Variants in ANK3 observed in about 807,000 individuals in gnomAD.
ANK3 encodes ankyrin-3.
A neutral mutation model predicts 370.9 loss-of-function variants in ANK3; 57 were observed. The ratio of observed to expected loss-of-function variants is 0.15; its 90% CI spans 0.12 to 0.19. ANK3 has a LOEUF of 0.19. Among genes scored for constraint, ANK3 ranks in the 10% least tolerant of loss-of-function variants. The pLI, the probability that ANK3 is intolerant of heterozygous loss-of-function variation, is 1.00. For missense variants in ANK3, 4,439 were observed against 5,302.1 expected, an observed-to-expected ratio of 0.84 and a Z score of 5.06; for synonymous variants, 1,929 against 1,946.3, an observed-to-expected ratio of 0.99 and a Z score of 0.23.
intron 2 of ANK3, among the ~76,000 whole-genome samples, chr10:60,577,086 G>A (rs1443998414): frequency 6.6e-6 from 1 of 152,210 alleles, no homozygotes; most frequent in Non-Finnish European, 1.5e-5. Flanking sequence ...TCCCTGTGGG[G>A]TTTTGGTATT....
At chr10:60,488,413 A>G (rs575646481) in intron 2 of ANK3, among the ~76,000 whole-genome samples, 25 of 152,338 alleles carry the variant, frequency 1.6e-4, no homozygotes, top group African/African-American at 5.8e-4. Context: ...CATTTTATTG[A>G]GATGTTATTC....
rs2083242351 is a variant in ANK3 at position 60,073,821 on chromosome 10, G to A, written c.7060C>T (p.Pro2354Ser). Residue 2354 changes from proline to serine, a missense_variant, in exon 37 of 44, where the codon CCA becomes TCA. Around this residue, in one of 13 missense-constraint regions of ANK3, gnomAD observed 1,601 missense variants for 1,731.7 expected, o/e 0.92. Coordinates refer to ENST00000280772, the MANE Select transcript of ANK3 (RefSeq NM_020987.5). The stretch of plus-strand genomic sequence containing the variant: ...TGATATACATACATTTCTTTTTCTG[G>A]ATGCTTTTTGGTTTCTCTAATAATG... ...EVIIRETKKH[P>S]EKEMYVYQKD... 3 of 1,613,376 alleles carry A rather than the reference G, an allele frequency of 1.9e-6. No individual in the cohort carries two copies. The highest frequency in any genetic ancestry group is 2.5e-6 in the Non-Finnish European group (3 of 1,179,956).
At chr10:60,546,815 C>T (rs1392534571) in intron 2 of ANK3, among the ~76,000 whole-genome samples, 2 of 152,096 alleles carry the variant, frequency 1.3e-5, no homozygotes, top group South Asian at 2.1e-4. Context: ...TTTATAACAT[C>T]AGGCCACTCT....
Position 60,088,132 on chromosome 10 carries a change from T to C in ANK3, c.3540+15A>G. On this transcript the variant is annotated intron_variant, in intron 29 of 43. Coordinates refer to ENST00000280772, the MANE Select transcript of ANK3 (RefSeq NM_020987.5). Reference sequence around the variant, plus strand: ...TCTGCGCATACTGAGGGAAACAACTTTTTGTGAACATTACCTGGAGGCCCA... The same window carrying C: ...TCTGCGCATACTGAGGGAAACAACTCTTTGTGAACATTACCTGGAGGCCCA... 1 of 1,613,204 alleles carries C rather than the reference T, an allele frequency of 6.2e-7. No homozygotes were observed. Among genetic ancestry groups the C allele is most frequent in the Non-Finnish European group, 8.5e-7 (1 of 1,179,276 alleles).
chr10:60,539,556 C>T (rs1013877527), intron 2 of ANK3, among the ~76,000 whole-genome samples: 6 of 151,878 alleles, frequency 4.0e-5, no homozygotes, highest in South Asian at 2.1e-4. Context: ...GTGGTTTCTA[C>T]GAGATTAAAT....
intron 28 of ANK3, among the ~76,000 whole-genome samples, chr10:60,092,427 A>C (rs976994645): frequency 1.3e-5 from 2 of 152,206 alleles, no homozygotes; most frequent in Non-Finnish European, 2.9e-5. Context: ...GGATCAATAC[A>C]TCTTTTTCAT....
intron 33 of ANK3, 50 bp from the exon 34 acceptor site, chr10:60,082,787 A>C: frequency 6.3e-7 from 1 of 1,584,706 alleles, no homozygotes; most frequent in Non-Finnish European, 8.6e-7. Context: ...TTATCTGAGG[A>C]TTTTTAACTG....
At chr10:60,645,109 A>G (rs181638242) in intron 1 of ANK3, among the ~76,000 whole-genome samples, 1 of 152,222 alleles carries the variant, frequency 6.6e-6, no homozygotes, top group East Asian at 1.9e-4. Flanking sequence ...GATGTATATA[A>G]TTGTCATATA....
At chr10:60,458,920 TA>T (rs1222764922) in intron 2 of ANK3, among the ~76,000 whole-genome samples, 1 of 152,044 alleles carries the variant, frequency 6.6e-6, no homozygotes, top group African/African-American at 2.4e-5. Context: ...GCATCACCTT[TA>T]AAAAAAGAGA....
At chr10:60,088,101 A>C in intron 29 of ANK3, 46 bp downstream of exon 29, 1 of 1,505,042 alleles carries the variant, frequency 6.6e-7, no homozygotes, top group Non-Finnish European at 9.2e-7. Context: ...ATGCACTCAC[A>C]TGCTCTCTGC....
At chr10:60,339,524 T>C (rs72824103) in intron 1 of ANK3, among the ~76,000 whole-genome samples, 1,859 of 152,336 alleles carry the variant, frequency 0.012, 14 homozygotes, top group African/African-American at 0.026. Flanking sequence ...CAGAAAAATA[T>C]ATACAAAGCT....
chr10:60,076,913 C>T (rs1442058835), intron 36 of ANK3, among the ~76,000 whole-genome samples: 1 of 152,178 alleles, frequency 6.6e-6, no homozygotes, highest in African/African-American at 2.4e-5. Context: ...TTAGTAATTT[C>T]TAATGTCCTC....
At chr10:60,233,746 T>G (rs1243840260) in intron 8 of ANK3, among the ~76,000 whole-genome samples, 2 of 152,156 alleles carry the variant, frequency 1.3e-5, no homozygotes, top group Non-Finnish European at 2.9e-5. Context: ...CTTTAAAAAT[T>G]TTTAATTGTG....
chr10:60,234,634 G>A, intron 8 of ANK3, 54 bp downstream of exon 8: 2 of 1,071,308 alleles, frequency 1.9e-6, no homozygotes, highest in South Asian at 2.6e-5. Flanking sequence ...ATCAGGAAAA[G>A]TATTCCTACT....
At chr10:60,178,779 G>A (rs17230650) in intron 18 of ANK3, among the ~76,000 whole-genome samples, 20,547 of 152,172 alleles carry the variant, frequency 0.14, 1,799 homozygotes, top group Non-Finnish European at 0.19. Context: ...CCTTTCAGGG[G>A]TGGTCTAAAT....
At chr10:60,170,535 G>T (rs1441227195) in intron 21 of ANK3, among the ~76,000 whole-genome samples, 1 of 152,160 alleles carries the variant, frequency 6.6e-6, no homozygotes, top group African/African-American at 2.4e-5. Flanking sequence ...GACTTCTCTG[G>T]ACTCTTTTTT....
chr10:60,218,451 T>C (rs1379964566), intron 8 of ANK3, among the ~76,000 whole-genome samples: 1 of 152,196 alleles, frequency 6.6e-6, no homozygotes, highest in Non-Finnish European at 1.5e-5. Context: ...AGTACTTCCT[T>C]CAAGAGCTGT....
Position 60,084,723 on chromosome 10 carries a change from G to A in ANK3, c.3953C>T (p.Ala1318Val). ...VPYMAKFVVF[A>V]KMNDPVESSL... ...AGATTCTACGGGATCATTCATTTTG[G>A]CAAAAACAACAAACTTGGCCATATA... is the stretch of plus-strand genomic sequence containing the variant. The change falls in exon 32 of 44, where the codon GCC becomes GTC. Residue 1318 changes from alanine (A) to valine (V), a missense_variant. Coordinates refer to ENST00000280772, the MANE Select transcript of ANK3 (RefSeq NM_020987.5). 1 of 1,613,286 alleles carries A rather than the reference G, an allele frequency of 6.2e-7. No individual in the cohort carries two copies.
intron 23 of ANK3, among the ~76,000 whole-genome samples, chr10:60,162,326 C>T (rs1226324048): frequency 6.6e-6 from 1 of 152,104 alleles, no homozygotes; most frequent in Non-Finnish European, 1.5e-5. Flanking sequence ...ATGAAATGAT[C>T]TAAAACTACA....
Sources: gnomAD v4.1 joint callset for allele counts (sites outside exome capture counted in the v4.1 genomes callset) on GRCh38, gnomAD v4.1.1 for gene constraint, gnomAD v4.1.1 regional missense constraint, MANE v1.5 for transcripts, NCBI Gene and HGNC (gene_info 2026-07-23, HGNC 2026-07-21) for gene names.